TBCK: variants seen among roughly 807,000 people sequenced by gnomAD.
The protein encoded by TBCK is TBC domain-containing protein kinase-like protein.
TBCK carries 99 observed loss-of-function variants against 113.4 expected under a neutral mutation model. That is an observed-to-expected ratio of 0.87 (90% CI 0.74 to 1.03). The LOEUF is 1.03. Ranked by LOEUF, TBCK falls within the 50% of genes least tolerant of loss-of-function variation. The probability of loss-of-function intolerance (pLI) is 0.00; values close to 1 mark genes in which losing one functional copy is unlikely to be tolerated. For missense variants in TBCK, 1,045 were observed against 1,061.3 expected (o/e 0.98, Z 0.21); for synonymous variants, 369 against 370.8 (o/e 1.00, Z 0.05).
chr4:106,248,704 G>C (rs967913997), intron 8 of TBCK, among the ~76,000 whole-genome samples: 2 of 152,186 alleles, frequency 1.3e-5, no homozygotes, highest in African/African-American at 4.8e-5. Flanking sequence ...ACCTCACATA[G>C]CAATTGCCTA....
chr4:106,282,381 TTTC>T (rs1764690213), intron 3 of TBCK, among the ~76,000 whole-genome samples: 1 of 152,072 alleles, frequency 6.6e-6, no homozygotes, highest in African/African-American at 2.4e-5. Flanking sequence ...TTTTCTATTA[TTTC>T]ATTTGTTTCA....
chr4:106,270,538 G>A lies in TBCK; in HGVS notation c.267-8326C>T, dbSNP rs748942766. Among the ~76,000 whole-genome samples the A allele has an allele frequency of 1.4e-4, 21 of 152,228 alleles. No individual in the cohort carries two copies. In the Middle Eastern group the frequency reaches 0.014, roughly 99 times the overall value. On this transcript the variant is annotated intron_variant, in intron 3 of 25. Transcript: ENST00000394708. ...TCATGGCATATAGTGGGTTAAATCT[G>A]TACCCTGCATCATTCCAAAGTTGTT...
At chr4:106,046,702 AT>A in intron 25 of TBCK, 22 bp from the exon 26 acceptor site, 1 of 1,347,122 alleles carries the variant, frequency 7.4e-7, no homozygotes, top group Non-Finnish European at 1.1e-6. Context: ...AAGAGGCAAA[AT>A]TTTTAGAGGA....
intron 23 of TBCK, among the ~76,000 whole-genome samples, chr4:106,155,250 G>A (rs1748992882): frequency 6.6e-6 from 1 of 151,570 alleles, no homozygotes; most frequent in Non-Finnish European, 1.5e-5. Flanking sequence ...TCCATTGTAT[G>A]TTATTTGTTT....
At chr4:106,159,144 T>C (rs1441319144) in intron 23 of TBCK, among the ~76,000 whole-genome samples, 1 of 151,790 alleles carries the variant, frequency 6.6e-6, no homozygotes, top group Non-Finnish European at 1.5e-5. Flanking sequence ...GGAAACTTCC[T>C]CAACACAATA....
intron 25 of TBCK, among the ~76,000 whole-genome samples, chr4:106,066,497 T>C (rs1736654921): frequency 6.6e-6 from 1 of 152,042 alleles, no homozygotes. Flanking sequence ...TTAAATTCTA[T>C]ACCTTATTTG....
At chr4:106,199,335 T>C (rs1217829530) in intron 20 of TBCK, among the ~76,000 whole-genome samples, 1 of 152,138 alleles carries the variant, frequency 6.6e-6, no homozygotes, top group Non-Finnish European at 1.5e-5. Context: ...CATACTCACC[T>C]AGTTTTGTTC....
At chr4:106,077,932 A>T (rs1738403438) in intron 25 of TBCK, among the ~76,000 whole-genome samples, 1 of 152,244 alleles carries the variant, frequency 6.6e-6, no homozygotes. Flanking sequence ...AATTAAAAAA[A>T]TTGAAATCAT....
chr4:106,161,720 G>A (rs1051153284), intron 23 of TBCK, among the ~76,000 whole-genome samples: 1 of 151,984 alleles, frequency 6.6e-6, no homozygotes, highest in Non-Finnish European at 1.5e-5. Context: ...GTGTGTGTGT[G>A]TGTGTGTGTA....
intron 23 of TBCK, among the ~76,000 whole-genome samples, chr4:106,146,187 A>G (rs951365998): frequency 1.3e-5 from 2 of 152,116 alleles, no homozygotes; most frequent in African/African-American, 2.4e-5. Context: ...AATGTGGTAC[A>G]TATACATATA....
intron 24 of TBCK, among the ~76,000 whole-genome samples, chr4:106,110,060 C>T (rs763945304): frequency 5.9e-5 from 9 of 152,212 alleles, no homozygotes; most frequent in African/African-American, 9.6e-5. Flanking sequence ...TAATCATCCA[C>T]GTGCAGGACT....
rs1472968921 is a variant in TBCK, at chr4:106,046,245, C to T, written c.*325G>A. Reference sequence around the variant, plus strand: ...GTCTGTTCAGTACAATGGAGGACAGCTTTTTCAGGGCAAATGGGATTTCTT... The same window carrying T: ...GTCTGTTCAGTACAATGGAGGACAGTTTTTTCAGGGCAAATGGGATTTCTT... On this transcript the variant is annotated 3_prime_UTR_variant, in exon 26 of 26. Transcript: ENST00000394708. 1 of 214,396 alleles carries T rather than the reference C, an allele frequency of 4.7e-6. No individual in the cohort carries two copies. The highest frequency in any genetic ancestry group is 1.3e-4 in the East Asian group (1 of 7,806). 13.3% of individuals were successfully genotyped at this position (214,396 alleles called of 1,614,324 possible).
chr4:106,316,443 G>A (rs2125915707), upstream of TBCK: 2 of 1,157,238 alleles, frequency 1.7e-6, no homozygotes, highest in East Asian at 2.6e-5. Context: ...CACAGGAAGA[G>A]GAAGAAAGAA....
chr4:106,214,513 T>C (rs1244657447), intron 19 of TBCK, among the ~76,000 whole-genome samples: 2 of 151,750 alleles, frequency 1.3e-5, no homozygotes, highest in Non-Finnish European at 2.9e-5. Context: ...TACAGAGAAG[T>C]GCTTAAAGGA....
chr4:106,106,630 G>A (rs1742194938), intron 24 of TBCK, among the ~76,000 whole-genome samples: 1 of 152,170 alleles, frequency 6.6e-6, no homozygotes, highest in Admixed American at 6.5e-5. Flanking sequence ...TGCCTTACAA[G>A]AGATCTTGAA....
chr4:106,316,461 T>C, upstream of TBCK: 1 of 1,336,394 alleles, frequency 7.5e-7, no homozygotes, highest in Non-Finnish European at 1.1e-6. Context: ...GAATTGAGGG[T>C]TGAATCTGTA....
chr4:106,197,411 G>GTATATATA (rs1553957897), intron 20 of TBCK, among the ~76,000 whole-genome samples: 2,131 of 122,412 alleles, frequency 0.017, 24 homozygotes, highest in Non-Finnish European at 0.025. Context: ...GTGTGTGTGT[G>GTATATATA]TATATATATA....
intron 25 of TBCK, among the ~76,000 whole-genome samples, chr4:106,055,018 CAT>C (rs996971270): frequency 2.6e-5 from 4 of 151,618 alleles, no homozygotes; most frequent in Non-Finnish European, 5.9e-5. Context: ...ATGCTTGTGA[CAT>C]ATGTTACTAT....
At chr4:106,108,341 C>T (rs549784230) in intron 24 of TBCK, among the ~76,000 whole-genome samples, 42 of 149,726 alleles carry the variant, frequency 2.8e-4, no homozygotes, top group African/African-American at 3.3e-4. Context: ...TGATGAATGT[C>T]GATGCAAAAA....
Sources: gnomAD v4.1 joint callset for allele counts (sites outside exome capture counted in the v4.1 genomes callset) on GRCh38, gnomAD v4.1.1 for gene constraint, MANE v1.5 for transcripts, NCBI Gene and HGNC (gene_info 2026-07-23, HGNC 2026-07-21) for gene names.